STK11: variants seen among roughly 807,000 people sequenced by gnomAD.
STK11 encodes the protein serine/threonine kinase 11.
STK11 carries 8 observed loss-of-function variants against 47.3 expected under a neutral mutation model. The ratio of observed to expected loss-of-function variants is 0.17; its 90% CI spans 0.10 to 0.31. The LOEUF (loss-of-function observed/expected upper bound fraction) is 0.31, where lower values mean the gene tolerates loss of function less well. Among genes scored for constraint, STK11 ranks in the 10% least tolerant of loss-of-function variants. The probability of loss-of-function intolerance (pLI) is 1.00; values close to 1 mark genes in which losing one functional copy is unlikely to be tolerated. For synonymous variants in STK11, 330 were observed against 255.8 expected (o/e 1.29, Z -2.77); for missense variants, 475 against 605.0 (o/e 0.79, Z 2.25).
At chr19:1,226,344 T>C in intron 8 of STK11, 110 bp from the exon 9 acceptor site, 1 of 1,511,594 alleles carries the variant, frequency 6.6e-7, no homozygotes, top group Non-Finnish European at 8.9e-7. Flanking sequence ...GGGGCGGGCA[T>C]GGCCTGGGCA....
chr19:1,213,896 C>T (rs2080728115), intron 1 of STK11, among the ~76,000 whole-genome samples: 1 of 152,216 alleles, frequency 6.6e-6, no homozygotes, highest in Non-Finnish European at 1.5e-5. Context: ...GAGGGCCAGG[C>T]CCATCTCTTC....
At position 1,221,194 on chromosome 19, in the gene STK11, C is replaced by T. The variant is rs1057517576; in HGVS notation, c.735-19C>T. Reference sequence around the variant, plus strand: ...CACCTTGACTGACCACGCCTTTCTTCCCTCCCCTCGAAATGAAGCTACAAC... The same window carrying T: ...CACCTTGACTGACCACGCCTTTCTTTCCTCCCCTCGAAATGAAGCTACAAC... On this transcript the variant is annotated intron_variant, in intron 5 of 9. Transcript: ENST00000326873. 2 of 1,610,972 alleles carry T rather than the reference C, an allele frequency of 1.2e-6. No individual in the cohort carries two copies. The highest frequency in any genetic ancestry group is 2.2e-5 in the East Asian group (1 of 44,834).
At chr19:1,213,150 C>T (rs2080723326) in intron 1 of STK11, among the ~76,000 whole-genome samples, 1 of 151,374 alleles carries the variant, frequency 6.6e-6, no homozygotes, top group Non-Finnish European at 1.5e-5. Flanking sequence ...GCGCCTGCCA[C>T]CATGCCCGGC....
chr19:1,225,573 G>A lies in STK11; in HGVS notation c.1109-881G>A, dbSNP rs141768872. On this transcript the variant is annotated intron_variant, in intron 8 of 9. Transcript: ENST00000326873. The stretch of plus-strand genomic sequence containing the variant: ...CGTGAGCCACCGCGACCGGCCCAAG[G>A]TGCTTTTTTAAAGCTAGTGACTTCC... 71 of 985,510 alleles carry A rather than the reference G, an allele frequency of 7.2e-5. No individual in the cohort carries two copies. The East Asian group carries it at 4.5e-3, about 63-fold the overall frequency. The allele number at this position is 985,510 out of a possible 1,614,324, so 61.0% of individuals were successfully genotyped here.
At chr19:1,217,607 T>G (rs926566765) in intron 1 of STK11, among the ~76,000 whole-genome samples, 1 of 151,834 alleles carries the variant, frequency 6.6e-6, no homozygotes, top group African/African-American at 2.4e-5. Flanking sequence ...GACAGGCGGG[T>G]GGGTGTGGCA....
chr19:1,219,494 G>A lies in STK11; in HGVS notation c.464+81G>A, dbSNP rs1384703288. On this transcript the variant is annotated intron_variant, in intron 3 of 9. Coordinates refer to ENST00000326873, the MANE Select transcript of STK11 (RefSeq NM_000455.5). ...AGGCTCCTTTCCGTGAGGCCACACTGCTTGTCCTGATATTCATTGACATGA... is the reference window on the plus strand; with the variant it reads ...AGGCTCCTTTCCGTGAGGCCACACTACTTGTCCTGATATTCATTGACATGA... The A allele has an allele frequency of 3.5e-6, 5 of 1,422,384 alleles. No individual in the cohort carries two copies. The Admixed American group carries it at 8.8e-5, about 25-fold the overall frequency. 88.1% of individuals were successfully genotyped at this position (1,422,384 alleles called of 1,614,324 possible).
At chr19:1,221,140 G>A (rs1281197815) in intron 5 of STK11, 73 bp from the exon 6 acceptor site, 1 of 1,591,398 alleles carries the variant, frequency 6.3e-7, no homozygotes, top group Non-Finnish European at 8.6e-7. Flanking sequence ...CTGTCCCTGG[G>A]GTAGAGCTGG....
intron 5 of STK11, 100 bp downstream of exon 5, chr19:1,220,817 G>A (rs1253751829): frequency 1.3e-5 from 20 of 1,491,664 alleles, no homozygotes; most frequent in Admixed American, 2.2e-5. Flanking sequence ...CGTGGCCACC[G>A]GCCCAGACCC....
Position 1,220,587 on chromosome 19 carries a change from C to A in STK11, c.604C>A (p.His202Asn). Residue 202 changes from histidine (H) to asparagine (N), a missense_variant, in exon 5 of 10, where the codon CAC becomes AAC. Around this residue, in one of 5 missense-constraint regions of STK11, gnomAD observed 130 missense variants for 239.7 expected, o/e 0.54. Transcript: ENST00000326873. ...ISDLGVAEAL[H>N]PFAADDTCRT... ...CTGCACGGCACCGCCACAGGCACTG[C>A]ACCCGTTCGCGGCGGACGACACCTG... 6.3e-7 allele frequency: 1 copy of A among 1,584,170 alleles called. No homozygotes were observed. Among genetic ancestry groups the A allele is most frequent in the Non-Finnish European group, 8.6e-7 (1 of 1,164,904 alleles).
intron 9 of STK11, chr19:1,227,010 C>G (rs1424956408): frequency 3.3e-6 from 1 of 299,276 alleles, no homozygotes; most frequent in African/African-American, 2.3e-5. Flanking sequence ...AAGGCTTATG[C>G]TGGGCTCAGC....
At chr19:1,216,869 G>A (rs2080748365) in intron 1 of STK11, among the ~76,000 whole-genome samples, 1 of 151,682 alleles carries the variant, frequency 6.6e-6, no homozygotes, top group Admixed American at 6.6e-5. Context: ...CACACTGTGT[G>A]TCCTTTAGTG....
chr19:1,222,513 G>A (rs1240602002), intron 7 of STK11, among the ~76,000 whole-genome samples: 1 of 152,164 alleles, frequency 6.6e-6, no homozygotes, highest in Non-Finnish European at 1.5e-5. Context: ...TCCGAGCCCC[G>A]AGGCCACCCA....
chr19:1,217,314 C>T (rs1444774468), intron 1 of STK11, among the ~76,000 whole-genome samples: 2 of 152,154 alleles, frequency 1.3e-5, no homozygotes, highest in African/African-American at 4.8e-5. Context: ...ATCCTCCCAC[C>T]TGAGCCTCCC....
chr19:1,220,355 G>T lies in STK11; in HGVS notation c.465-18G>T, dbSNP rs587781177. On this transcript the variant is annotated intron_variant, in intron 3 of 9. Coordinates refer to ENST00000326873, the MANE Select transcript of STK11 (RefSeq NM_000455.5). Reference sequence around the variant, plus strand: ...GCAGGGAGGCCTCGGCCCCAGGACGGGTGTGTGCTGCCCGCAGGTACTTCT... The same window carrying T: ...GCAGGGAGGCCTCGGCCCCAGGACGTGTGTGTGCTGCCCGCAGGTACTTCT... 90 of 1,592,700 alleles carry T rather than the reference G, an allele frequency of 5.7e-5. No homozygotes were observed. Among genetic ancestry groups the T allele is most frequent in the Non-Finnish European group, 7.5e-5 (88 of 1,170,154 alleles).
At chr19:1,225,352 AACCTCC>A (rs2080813480) in intron 8 of STK11, 2 of 921,512 alleles carry the variant, frequency 2.2e-6, no homozygotes, top group Non-Finnish European at 2.6e-6. Context: ...GGCTCACTGC[AACCTCC>A]ACCTCCCGGA....
In STK11 at chr19:1,227,929, C is replaced by T. The variant is rs866183878; in HGVS notation, c.*353C>T. Reference sequence around the variant, plus strand: ...GCTCCGCAGGGCGCCCAGCGCCGTCCGGCGGCCCCGCCGCAGACCAGCTGG... The same window carrying T: ...GCTCCGCAGGGCGCCCAGCGCCGTCTGGCGGCCCCGCCGCAGACCAGCTGG... On this transcript the variant is annotated 3_prime_UTR_variant, in exon 10 of 10. Coordinates refer to ENST00000326873, the MANE Select transcript of STK11 (RefSeq NM_000455.5). 15 of 1,070,060 alleles carry T rather than the reference C, an allele frequency of 1.4e-5. No individual in the cohort carries two copies. The highest frequency in any genetic ancestry group is 1.6e-5 in the Non-Finnish European group (14 of 882,152). The allele number at this position is 1,070,060 out of a possible 1,614,324, so 66.3% of individuals were successfully genotyped here. A position where few individuals can be genotyped will look rare whatever the true frequency, so the allele number is the denominator to read the frequency against.
chr19:1,218,231 C>T (rs932229645), intron 1 of STK11, among the ~76,000 whole-genome samples, 186 bp from the exon 2 acceptor site: 4 of 152,226 alleles, frequency 2.6e-5, no homozygotes, highest in Admixed American at 1.3e-4. Flanking sequence ...CACCCCCTAC[C>T]GCCCTGAGCC....
intron 8 of STK11, 53 bp downstream of exon 8, chr19:1,223,225 C>G (rs2145431680): frequency 6.4e-7 from 1 of 1,568,104 alleles, no homozygotes. Flanking sequence ...CAGGATGTCC[C>G]ACGGGAGCAG....
In STK11 at chr19:1,228,141, G is replaced by T. The variant is rs1027644340; in HGVS notation, c.*565G>T. The T allele has an allele frequency of 5.6e-6, 6 of 1,064,996 alleles. No individual in the cohort carries two copies. Among genetic ancestry groups the T allele is most frequent in the Admixed American group, 1.1e-4 (2 of 18,738 alleles). The allele number at this position is 1,064,996 out of a possible 1,614,324, so 66.0% of individuals were successfully genotyped here. A position where few individuals can be genotyped will look rare whatever the true frequency, so the allele number is the denominator to read the frequency against. ...TTGGGAGCTGCTGGGTGGCAGGGGG[G>T]CTGTGGGGTCGGGCTCACGTCGCGG... On this transcript the variant is annotated 3_prime_UTR_variant, in exon 10 of 10. Transcript: ENST00000326873.
Sources: gnomAD v4.1 joint callset for allele counts (sites outside exome capture counted in the v4.1 genomes callset) on GRCh38, gnomAD v4.1.1 for gene constraint, gnomAD v4.1.1 regional missense constraint, MANE v1.5 for transcripts, NCBI Gene and HGNC (gene_info 2026-07-23, HGNC 2026-07-21) for gene names.